Variants in ROBO1 observed in about 807,000 individuals in gnomAD.
ROBO1 encodes roundabout guidance receptor 1, also known as roundabout homolog 1.
In ROBO1, 149 loss-of-function variants were observed where a neutral mutation model predicts 195.9. The ratio of observed to expected loss-of-function variants is 0.76; its 90% CI spans 0.67 to 0.87. The LOEUF (loss-of-function observed/expected upper bound fraction) is 0.87, where lower values mean the gene tolerates loss of function less well. Ranked by LOEUF, ROBO1 falls within the 40% of genes least tolerant of loss-of-function variation. ROBO1 has a pLI of 0.00. For missense variants in ROBO1, 1,933 were observed against 2,068.3 expected, an observed-to-expected ratio of 0.93 and a Z score of 1.27; for synonymous variants, 816 against 733.2, an observed-to-expected ratio of 1.11 and a Z score of -1.82.
intron 3 of ROBO1, among the ~76,000 whole-genome samples, chr3:79,044,399 C>T (rs975315710): frequency 2.0e-5 from 3 of 152,056 alleles, no homozygotes; most frequent in African/African-American, 4.8e-5. Flanking sequence ...ATATTTATCT[C>T]ATTTAATTTA....
intron 2 of ROBO1, among the ~76,000 whole-genome samples, chr3:79,480,184 T>C (rs1455215077): frequency 6.6e-6 from 1 of 152,162 alleles, no homozygotes; most frequent in Non-Finnish European, 1.5e-5. Flanking sequence ...TGCCAAATAC[T>C]CTCTTATTAA....
At chr3:79,074,515 C>A (rs1304568261) in intron 3 of ROBO1, among the ~76,000 whole-genome samples, 4 of 151,724 alleles carry the variant, frequency 2.6e-5, no homozygotes, top group Non-Finnish European at 4.4e-5. Flanking sequence ...ACCTCCTGGG[C>A]TTAAGTGATC....
chr3:79,555,894 C>T (rs926895854), intron 2 of ROBO1, among the ~76,000 whole-genome samples: 3 of 152,070 alleles, frequency 2.0e-5, no homozygotes, highest in Admixed American at 1.3e-4. Flanking sequence ...ATATATCCTT[C>T]AATTTATCTC....
chr3:79,343,325 G>A (rs2034983758), intron 2 of ROBO1, among the ~76,000 whole-genome samples: 1 of 152,136 alleles, frequency 6.6e-6, no homozygotes, highest in Admixed American at 6.6e-5. Flanking sequence ...TGCAATAAAA[G>A]TTTCCTGCTT....
chr3:78,755,834 G>C (rs1297611883), intron 4 of ROBO1, among the ~76,000 whole-genome samples: 1 of 152,034 alleles, frequency 6.6e-6, no homozygotes, highest in African/African-American at 2.4e-5. Flanking sequence ...TGAGAGTATA[G>C]AGTCTGATAT....
chr3:78,779,402 A>G (rs1394818370), intron 4 of ROBO1, among the ~76,000 whole-genome samples: 2 of 152,178 alleles, frequency 1.3e-5, no homozygotes, highest in Non-Finnish European at 2.9e-5. Context: ...ACTTACACAA[A>G]CTTACAAGAA....
intron 3 of ROBO1, among the ~76,000 whole-genome samples, chr3:79,073,440 A>T (rs2079120993): frequency 6.6e-6 from 1 of 151,834 alleles, no homozygotes; most frequent in Admixed American, 6.6e-5. Context: ...TAATAAATGA[A>T]ATCTTAAAAT....
chr3:79,114,274 A>G (rs1184997611), intron 3 of ROBO1, among the ~76,000 whole-genome samples: 1 of 152,018 alleles, frequency 6.6e-6, no homozygotes, highest in Non-Finnish European at 1.5e-5. Context: ...AATGTTAAAG[A>G]CTCTTCCAGA....
intron 2 of ROBO1, among the ~76,000 whole-genome samples, chr3:79,523,661 A>G (rs1941310211): frequency 6.6e-6 from 1 of 151,812 alleles, no homozygotes; most frequent in Non-Finnish European, 1.5e-5. Flanking sequence ...TTTAGTAGAG[A>G]CGGGGTTTCA....
chr3:79,115,099 G>T (rs944007673), intron 3 of ROBO1, among the ~76,000 whole-genome samples: 2 of 152,142 alleles, frequency 1.3e-5, no homozygotes, highest in African/African-American at 4.8e-5. Flanking sequence ...CCTCTGATCA[G>T]GGAAACCCAA....
At chr3:79,046,816 C>A (rs527572527) in intron 3 of ROBO1, among the ~76,000 whole-genome samples, 2 of 152,138 alleles carry the variant, frequency 1.3e-5, no homozygotes, top group Admixed American at 1.3e-4. Context: ...CACAGACACA[C>A]CCAGGATTAA....
At chr3:78,642,234 T>C (rs2107573146) in intron 21 of ROBO1, among the ~76,000 whole-genome samples, 1 of 152,220 alleles carries the variant, frequency 6.6e-6, no homozygotes, top group South Asian at 2.1e-4. Flanking sequence ...AGAGGGCAAA[T>C]GCACTTTAGT....
chr3:79,709,625 G>C (rs910729275), intron 1 of ROBO1, among the ~76,000 whole-genome samples: 1 of 151,992 alleles, frequency 6.6e-6, no homozygotes, highest in Admixed American at 6.6e-5. Context: ...ACTTTTACTA[G>C]ACACTAGATA....
At chr3:79,162,378 T>C in intron 2 of ROBO1, among the ~76,000 whole-genome samples, 1 of 152,140 alleles carries the variant, frequency 6.6e-6, no homozygotes, top group Non-Finnish European at 1.5e-5. Context: ...GAAAGCTAAA[T>C]TAAGGTGGAA....
intron 5 of ROBO1, among the ~76,000 whole-genome samples, chr3:78,745,133 C>T (rs901181584): frequency 1.3e-5 from 2 of 151,762 alleles, no homozygotes; most frequent in East Asian, 3.9e-4. Context: ...CACGGTGAAA[C>T]CTCATCTCTA....
chr3:79,532,066 T>C (rs1370938818), intron 2 of ROBO1, among the ~76,000 whole-genome samples: 1 of 152,038 alleles, frequency 6.6e-6, no homozygotes, highest in Non-Finnish European at 1.5e-5. Context: ...AAATGGTATG[T>C]AAAGAGCAGG....
intron 4 of ROBO1, among the ~76,000 whole-genome samples, chr3:78,835,996 T>C (rs925779778): frequency 2.0e-5 from 3 of 152,162 alleles, no homozygotes; most frequent in Non-Finnish European, 2.9e-5. Context: ...AAATTAGTGA[T>C]GTGGGATTTT....
rs1440905053 is a variant in ROBO1, at chr3:78,619,307, C to T, written c.3876-1266G>A. On this transcript the variant is annotated intron_variant, in intron 26 of 30. Transcript: ENST00000464233. ...GTCTAGGGTCATCTGGTGACCTCCACAGCTTGGGAGGCTAGGAGAGATACA... is the reference window on the plus strand; with the variant it reads ...GTCTAGGGTCATCTGGTGACCTCCATAGCTTGGGAGGCTAGGAGAGATACA... Among the ~76,000 whole-genome samples the T allele has an allele frequency of 5.9e-5, 9 of 151,970 alleles. No individual in the cohort carries two copies. The East Asian group carries it at 1.6e-3, about 26-fold the overall frequency.
intron 4 of ROBO1, among the ~76,000 whole-genome samples, chr3:78,865,856 T>G (rs2035144289): frequency 6.6e-6 from 1 of 152,154 alleles, no homozygotes; most frequent in African/African-American, 2.4e-5. Context: ...AGTTACACTT[T>G]GCTAACTCAA....
Sources: gnomAD v4.1 joint callset for allele counts (sites outside exome capture counted in the v4.1 genomes callset) on GRCh38, gnomAD v4.1.1 for gene constraint, MANE v1.5 for transcripts, NCBI Gene and HGNC (gene_info 2026-07-23, HGNC 2026-07-21) for gene names.